Variants in AK5 observed in about 807,000 individuals in gnomAD.
AK5 encodes the protein adenylate kinase isoenzyme 5.
A neutral mutation model predicts 69.5 loss-of-function variants in AK5; 27 were observed. That is an observed-to-expected ratio of 0.39 (90% confidence interval 0.29 to 0.54). AK5 has a LOEUF of 0.54. AK5 is among the 20% of genes least tolerant of loss of function. The pLI is 0.71. For missense variants in AK5, 531 were observed against 700.4 expected (o/e 0.76, Z 2.73); for synonymous variants, 260 against 244.4 (o/e 1.06, Z -0.60).
At chr1:77,310,967 AGG>A (rs1659919424) in intron 5 of AK5, among the ~76,000 whole-genome samples, 1 of 152,090 alleles carries the variant, frequency 6.6e-6, no homozygotes, top group Non-Finnish European at 1.5e-5. Context: ...AATCGTTTAT[AGG>A]TTTGCTACTA....
intron 6 of AK5, among the ~76,000 whole-genome samples, chr1:77,402,753 C>CT (rs1402752182): frequency 6.6e-5 from 10 of 152,074 alleles, no homozygotes; most frequent in African/African-American, 2.2e-4. Flanking sequence ...CCGCAATAAA[C>CT]ATACGTGTGC....
chr1:77,362,510 A>G (rs920065329), intron 6 of AK5, among the ~76,000 whole-genome samples: 5 of 152,146 alleles, frequency 3.3e-5, no homozygotes, highest in African/African-American at 7.2e-5. Context: ...TTCATAGCCT[A>G]TACTTCCTTA....
intron 2 of AK5, among the ~76,000 whole-genome samples, chr1:77,293,326 G>C (rs979647197): frequency 5.9e-5 from 9 of 152,130 alleles, no homozygotes; most frequent in Admixed American, 2.0e-4. Flanking sequence ...TTATGGACAG[G>C]CTGCTGCATA....
intron 6 of AK5, among the ~76,000 whole-genome samples, chr1:77,399,635 C>T (rs1649061520): frequency 6.6e-6 from 1 of 152,084 alleles, no homozygotes; most frequent in South Asian, 2.1e-4. Flanking sequence ...AAGTGCCAGA[C>T]CAGACATGGC....
rs1190398415 is a variant in AK5 at position 77,293,863 on chromosome 1, A to G, written c.318A>G (p.Ile106Met). ...TCCCTCCAATCCATCAATTCTCCAT[A>G]GAAAGTGACACGGATCTCTCTGAGA... Reference protein sequence around the residue: ...DRLPPIHQFSIESDTDLSETA... With the variant: ...DRLPPIHQFSMESDTDLSETA... Residue 106 changes from isoleucine (I) to methionine (M), a missense_variant, in exon 3 of 14, where the codon ATA becomes ATG. Coordinates refer to ENST00000354567, the MANE Select transcript of AK5 (RefSeq NM_174858.3). 1 of 1,613,664 alleles carries G rather than the reference A, an allele frequency of 6.2e-7. No individual in the cohort carries two copies. Among genetic ancestry groups the G allele is most frequent in the Non-Finnish European group, 8.5e-7 (1 of 1,179,886 alleles).
At chr1:77,365,889 T>C (rs1646941227) in intron 6 of AK5, among the ~76,000 whole-genome samples, 1 of 152,214 alleles carries the variant, frequency 6.6e-6, no homozygotes, top group Non-Finnish European at 1.5e-5. Flanking sequence ...CACATTGCTT[T>C]TATAATCAGA....
chr1:77,507,890 G>A (rs1358303662), intron 10 of AK5, among the ~76,000 whole-genome samples: 1 of 152,136 alleles, frequency 6.6e-6, no homozygotes, highest in Non-Finnish European at 1.5e-5. Flanking sequence ...CAAACATACA[G>A]CAAGCTGAAA....
chr1:77,417,292 G>C lies in AK5; in HGVS notation c.983-347G>C, dbSNP rs115753029. Among the ~76,000 whole-genome samples, 1,189 of 152,120 alleles carry C rather than the reference G, an allele frequency of 7.8e-3. 4 individuals are homozygous for C. The highest frequency in any genetic ancestry group is 0.011 in the Non-Finnish European group (772 of 68,004). On this transcript the variant is annotated intron_variant, in intron 7 of 13. Coordinates refer to ENST00000354567, the MANE Select transcript of AK5 (RefSeq NM_174858.3). ...ACCTGTATTCACCCTCAAAATTCAG[G>C]ATCATAGATTAGTACCTCATGAAGA...
chr1:77,522,574 A>G (rs1570305723), intron 12 of AK5, among the ~76,000 whole-genome samples: 1 of 151,640 alleles, frequency 6.6e-6, no homozygotes, highest in Non-Finnish European at 1.5e-5. Flanking sequence ...ACTACACACC[A>G]CCCTCCCACT....
At chr1:77,419,589 G>C (rs1428351702) in intron 8 of AK5, among the ~76,000 whole-genome samples, 2 of 152,124 alleles carry the variant, frequency 1.3e-5, no homozygotes, top group Non-Finnish European at 2.9e-5. Context: ...ATTAACGGTT[G>C]AATAGTAAAC....
At chr1:77,312,617 A>C (rs1360505137) in intron 5 of AK5, among the ~76,000 whole-genome samples, 1 of 151,922 alleles carries the variant, frequency 6.6e-6, no homozygotes, top group Non-Finnish European at 1.5e-5. Context: ...TGTCTAAAAA[A>C]AAAAAAAAAA....
chr1:77,346,748 T>A (rs960043602), intron 6 of AK5, among the ~76,000 whole-genome samples: 1 of 152,076 alleles, frequency 6.6e-6, no homozygotes, highest in Non-Finnish European at 1.5e-5. Context: ...TCCACCCACC[T>A]CAGCCTCCCA....
chr1:77,332,626 TATTTA>T (rs1378553973), intron 5 of AK5, among the ~76,000 whole-genome samples: 1 of 150,618 alleles, frequency 6.6e-6, no homozygotes, highest in Non-Finnish European at 1.5e-5. Flanking sequence ...TTTATTTATT[TATTTA>T]TTTTTATTAT....
chr1:77,306,008 G>C (rs905242249), intron 5 of AK5, among the ~76,000 whole-genome samples: 1 of 151,918 alleles, frequency 6.6e-6, no homozygotes, highest in African/African-American at 2.4e-5. Context: ...GGTGTCTTCA[G>C]TTTCTTTCAT....
At chr1:77,376,433 CAAAA>C (rs757594684) in intron 6 of AK5, among the ~76,000 whole-genome samples, 1 of 13,434 alleles carries the variant, frequency 7.4e-5, no homozygotes, top group Non-Finnish European at 1.4e-4. Flanking sequence ...CACTCAATGC[CAAAA>C]AAAAAAAAAA....
intron 13 of AK5, chr1:77,557,407 C>A (rs1660159161): frequency 1.6e-5 from 3 of 182,032 alleles, no homozygotes; most frequent in East Asian, 1.3e-4. Flanking sequence ...CCAGCATTTC[C>A]CTGGCCTCCC....
At chr1:77,510,967 C>T (rs548614389) in intron 10 of AK5, among the ~76,000 whole-genome samples, 122 of 149,158 alleles carry the variant, frequency 8.2e-4, no homozygotes, top group African/African-American at 2.7e-3. Context: ...TGCTTTGTCT[C>T]CTGTAAAATA....
intron 10 of AK5, among the ~76,000 whole-genome samples, chr1:77,504,840 A>G (rs1275069848): frequency 6.6e-6 from 1 of 152,242 alleles, no homozygotes; most frequent in Non-Finnish European, 1.5e-5. Flanking sequence ...CTTTCAGCAC[A>G]TCATTTTAAT....
chr1:77,548,312 T>C (rs79401340), intron 13 of AK5, among the ~76,000 whole-genome samples: 4,959 of 152,284 alleles, frequency 0.033, 150 homozygotes, highest in African/African-American at 0.076. Context: ...CCTGACTGGA[T>C]ATGTGAACTG....
Sources: gnomAD v4.1 joint callset for allele counts (sites outside exome capture counted in the v4.1 genomes callset) on GRCh38, gnomAD v4.1.1 for gene constraint, MANE v1.5 for transcripts, NCBI Gene and HGNC (gene_info 2026-07-23, HGNC 2026-07-21) for gene names.